The following KCNIP1 variants were observed in gnomAD, a reference collection of about 807,000 sequenced individuals.
KCNIP1 encodes the protein potassium voltage-gated channel interacting protein 1, also known as A-type potassium channel modulatory protein KCNIP1.
KCNIP1 carries 18 observed loss-of-function variants against 33.0 expected under a neutral mutation model. The observed-to-expected ratio is 0.55, with a 90% CI of 0.38 to 0.81. KCNIP1 has a LOEUF of 0.81. Among genes scored for constraint, KCNIP1 ranks in the 30% least tolerant of loss-of-function variants. The pLI, the probability that KCNIP1 is intolerant of heterozygous loss-of-function variation, is 0.00. For missense variants in KCNIP1, 238 were observed against 271.6 expected (o/e 0.88, Z 0.87); for synonymous variants, 93 against 98.3 (o/e 0.95, Z 0.32).
chr5:170,415,226 G>A (rs569264209), intron 1 of KCNIP1, among the ~76,000 whole-genome samples: 4 of 152,174 alleles, frequency 2.6e-5, no homozygotes, highest in Admixed American at 6.5e-5. Flanking sequence ...GGGTTTGCCT[G>A]CTGATTTCTT....
intron 1 of KCNIP1, among the ~76,000 whole-genome samples, chr5:170,706,929 C>T (rs892333481): frequency 6.6e-6 from 1 of 152,116 alleles, no homozygotes; most frequent in Non-Finnish European, 1.5e-5. Flanking sequence ...CTCTCTTCAA[C>T]ACAGGTCATC....
In KCNIP1 at chr5:170,735,879, T is replaced by C. The variant is rs112357846; in HGVS notation, c.*73T>C. On this transcript the variant is annotated 3_prime_UTR_variant, in exon 8 of 8. Coordinates refer to ENST00000328939, the MANE Select transcript of KCNIP1 (RefSeq NM_014592.4). Reference sequence around the variant, plus strand: ...CCACCTTAACACCCTGATCTGCCCTTGTTCTGATTTTACACACCAACTCTT... The same window carrying C: ...CCACCTTAACACCCTGATCTGCCCTCGTTCTGATTTTACACACCAACTCTT... 7.9e-4 allele frequency: 1,047 copies of C among 1,326,100 alleles called. 9 individuals carry two copies. In the African/African-American group the frequency reaches 0.013, roughly 16 times the overall value. The allele number at this position is 1,326,100 out of a possible 1,614,324, so 82.1% of individuals were successfully genotyped here. A position where few individuals can be genotyped will look rare whatever the true frequency, so the allele number is the denominator to read the frequency against.
At chr5:170,527,978 C>T (rs951866120) in intron 1 of KCNIP1, among the ~76,000 whole-genome samples, 1 of 151,950 alleles carries the variant, frequency 6.6e-6, no homozygotes, top group African/African-American at 2.4e-5. Flanking sequence ...TGTTATTTTT[C>T]GATTATCCTT....
At chr5:170,579,169 C>T (rs1388817769) in intron 1 of KCNIP1, among the ~76,000 whole-genome samples, 1 of 152,156 alleles carries the variant, frequency 6.6e-6, no homozygotes, top group African/African-American at 2.4e-5. Context: ...ATGTACAATC[C>T]ACTTTCTCTT....
intron 1 of KCNIP1, among the ~76,000 whole-genome samples, chr5:170,606,865 C>G (rs1758941218): frequency 6.6e-6 from 1 of 152,222 alleles, no homozygotes; most frequent in Non-Finnish European, 1.5e-5. Context: ...TGGTTCCCCT[C>G]CACCGAAGCA....
chr5:170,619,110 C>T (rs1160758877), intron 1 of KCNIP1, among the ~76,000 whole-genome samples: 1 of 152,218 alleles, frequency 6.6e-6, no homozygotes, highest in African/African-American at 2.4e-5. Context: ...ATGGATGCTT[C>T]CATGGGCAAT....
At chr5:170,498,182 T>C (rs983880106) in intron 1 of KCNIP1, among the ~76,000 whole-genome samples, 2 of 152,034 alleles carry the variant, frequency 1.3e-5, no homozygotes, top group African/African-American at 4.8e-5. Context: ...AGGCATGGAG[T>C]TTGTGTTTTC....
At chr5:170,425,591 C>T (rs1755595338) in intron 1 of KCNIP1, among the ~76,000 whole-genome samples, 1 of 152,222 alleles carries the variant, frequency 6.6e-6, no homozygotes. Flanking sequence ...CACAAGACAT[C>T]CTTCTGTTGC....
At chr5:170,568,748 G>A (rs926882190) in intron 1 of KCNIP1, among the ~76,000 whole-genome samples, 11 of 150,552 alleles carry the variant, frequency 7.3e-5, no homozygotes, top group Non-Finnish European at 1.6e-4. Flanking sequence ...ACTTGGACCT[G>A]AGAGGTGGAG....
intron 1 of KCNIP1, among the ~76,000 whole-genome samples, chr5:170,589,818 T>TGCGGTGCGGTGC (rs781618647): frequency 2.7e-5 from 1 of 37,288 alleles, no homozygotes; most frequent in African/African-American, 6.0e-5. Flanking sequence ...CGGTGCGGTG[T>TGCGGTGCGGTGC]GGTGTGGTAT....
chr5:170,474,505 C>T (rs901293780), intron 1 of KCNIP1, among the ~76,000 whole-genome samples: 1 of 152,186 alleles, frequency 6.6e-6, no homozygotes, highest in Non-Finnish European at 1.5e-5. Context: ...CCGTTCCCTC[C>T]CCTGCAAGAG....
At chr5:170,665,852 G>A (rs10065535) in intron 1 of KCNIP1, among the ~76,000 whole-genome samples, 11,251 of 152,220 alleles carry the variant, frequency 0.074, 673 homozygotes, top group African/African-American at 0.17. Context: ...AAGTTTTTCT[G>A]ATGATTGCAC....
Position 170,448,605 on chromosome 5 carries a change from T to C in KCNIP1, c.88+94641T>C, listed in dbSNP as rs1369384755. ...AGGAACAATTACCAGAGAAGGCCCA[T>C]TTCTTTAGCAATTTTCAAGAATGGG... is the stretch of plus-strand genomic sequence containing the variant. On this transcript the variant is annotated intron_variant, in intron 1 of 7. Transcript: ENST00000377360. Among the ~76,000 whole-genome samples the C allele has an allele frequency of 2.0e-5, 3 of 152,354 alleles. No homozygotes were observed. In the East Asian group the frequency reaches 5.8e-4, roughly 29 times the overall value.
intron 1 of KCNIP1, among the ~76,000 whole-genome samples, chr5:170,656,749 A>G (rs558877862): frequency 2.0e-5 from 3 of 152,280 alleles, no homozygotes; most frequent in Non-Finnish European, 4.4e-5. Flanking sequence ...TACCTCGAGT[A>G]GCCAGTAGGG....
intron 1 of KCNIP1, among the ~76,000 whole-genome samples, chr5:170,704,597 T>C (rs897285047): frequency 1.3e-5 from 2 of 152,160 alleles, no homozygotes; most frequent in African/African-American, 4.8e-5. Context: ...GGCTCTGTCT[T>C]GAAGGTTCCT....
At chr5:170,703,147 A>G (rs28537456) in intron 1 of KCNIP1, among the ~76,000 whole-genome samples, 27,973 of 136,596 alleles carry the variant, frequency 0.2, 6,670 homozygotes, top group African/African-American at 0.35. Flanking sequence ...TGTCTTCTCC[A>G]CATTGCTTGG....
At chr5:170,681,871 A>ATAGAACACAGTT in intron 1 of KCNIP1, among the ~76,000 whole-genome samples, 1 of 152,358 alleles carries the variant, frequency 6.6e-6, no homozygotes, top group East Asian at 1.9e-4. Context: ...ATTGTTCCAA[A>ATAGAACACAGTT]TAGAACACAG....
intron 1 of KCNIP1, among the ~76,000 whole-genome samples, chr5:170,461,818 C>T (rs1299498968): frequency 6.6e-6 from 1 of 150,686 alleles, no homozygotes; most frequent in African/African-American, 2.4e-5. Flanking sequence ...CGAACGCTTA[C>T]AGCAAACTGA....
At chr5:170,529,949 C>A (rs1408934318) in intron 1 of KCNIP1, among the ~76,000 whole-genome samples, 2 of 152,310 alleles carry the variant, frequency 1.3e-5, no homozygotes, top group East Asian at 3.9e-4. Context: ...CTTCTTTTTA[C>A]TTCCTGCTCA....
Sources: gnomAD v4.1 joint callset for allele counts (sites outside exome capture counted in the v4.1 genomes callset) on GRCh38, gnomAD v4.1.1 for gene constraint, MANE v1.5 for transcripts, NCBI Gene and HGNC (gene_info 2026-07-23, HGNC 2026-07-21) for gene names.